The following ASAP1 variants were observed in gnomAD, a reference collection of about 807,000 sequenced individuals.
ASAP1 encodes the protein ArfGAP with SH3 domain, ankyrin repeat and PH domain 1, also known as arf-GAP with SH3 domain, ANK repeat and PH domain-containing protein 1.
In ASAP1, 43 loss-of-function variants were observed where a neutral mutation model predicts 145.2. The ratio of observed to expected loss-of-function variants is 0.30; its 90% CI spans 0.23 to 0.38. ASAP1 has a LOEUF of 0.38. ASAP1 is among the 10% of genes least tolerant of loss of function. ASAP1 has a pLI of 1.00. For missense variants in ASAP1, 1,018 were observed against 1,355.3 expected (o/e 0.75, Z 3.91); for synonymous variants, 546 against 515.5 (o/e 1.06, Z -0.80).
intron 29 of ASAP1, among the ~76,000 whole-genome samples, chr8:130,056,246 TG>T (rs1394913141): frequency 6.6e-6 from 1 of 152,172 alleles, no homozygotes; most frequent in Non-Finnish European, 1.5e-5. Context: ...CTGATTCACG[TG>T]GGGGGGCTTC....
intron 5 of ASAP1, among the ~76,000 whole-genome samples, chr8:130,197,713 A>C (rs1815596122): frequency 6.6e-6 from 1 of 152,228 alleles, no homozygotes; most frequent in African/African-American, 2.4e-5. Flanking sequence ...GATGCACCTG[A>C]ATGTGTGTTC....
intron 3 of ASAP1, among the ~76,000 whole-genome samples, chr8:130,350,911 C>T (rs1825956592): frequency 6.6e-6 from 1 of 152,202 alleles, no homozygotes; most frequent in Non-Finnish European, 1.5e-5. Flanking sequence ...ATAGGCAAAT[C>T]AGGTTGGGTC....
At chr8:130,100,995 T>C (rs62524632) in intron 24 of ASAP1, among the ~76,000 whole-genome samples, 23,109 of 152,216 alleles carry the variant, frequency 0.15, 2,245 homozygotes, top group East Asian at 0.44. Flanking sequence ...TAATTCATCT[T>C]GAGTTGAGAG....
intron 11 of ASAP1, among the ~76,000 whole-genome samples, chr8:130,164,725 GA>G (rs1422098291): frequency 1.3e-5 from 2 of 151,798 alleles, no homozygotes; most frequent in Admixed American, 6.6e-5. Context: ...AAACTTAATA[GA>G]AAAAAAATGA....
intron 3 of ASAP1, among the ~76,000 whole-genome samples, chr8:130,248,786 T>C (rs1819013562): frequency 6.6e-6 from 1 of 152,144 alleles, no homozygotes; most frequent in African/African-American, 2.4e-5. Flanking sequence ...CCAAATCTTC[T>C]CTTCCTCCTC....
chr8:130,346,950 C>A (rs1825735432), intron 3 of ASAP1, among the ~76,000 whole-genome samples: 1 of 152,126 alleles, frequency 6.6e-6, no homozygotes. Flanking sequence ...GGAAGGCTCC[C>A]CATGTTTCAA....
At chr8:130,192,917 T>C (rs1815236970) in intron 5 of ASAP1, among the ~76,000 whole-genome samples, 1 of 152,190 alleles carries the variant, frequency 6.6e-6, no homozygotes, top group Admixed American at 6.5e-5. Context: ...GTTACGTGCC[T>C]ATCAATAGGG....
At chr8:130,059,097 C>T (rs1269282117) in intron 28 of ASAP1, among the ~76,000 whole-genome samples, 4 of 152,132 alleles carry the variant, frequency 2.6e-5, no homozygotes, top group African/African-American at 9.7e-5. Context: ...CAGCCTCCAA[C>T]CTACAGGAAG....
At position 130,073,351 on chromosome 8, in the gene ASAP1, T is replaced by C. The variant is rs181581030; in HGVS notation, c.2701+2997A>G. ...GTTGCGGGGAGCTGAGATCGCACCA[T>C]TGCACTCCAGCCTGGGCAACAAGAG... On this transcript the variant is annotated intron_variant, in intron 27 of 29. Transcript: ENST00000518721. Among the ~76,000 whole-genome samples the C allele has an allele frequency of 3.4e-3, 510 of 149,878 alleles. 5 individuals carry two copies. Among genetic ancestry groups the C allele is most frequent in the African/African-American group, 0.012 (491 of 40,604 alleles).
chr8:130,120,662 T>C (rs2097564375), intron 18 of ASAP1, among the ~76,000 whole-genome samples: 1 of 152,352 alleles, frequency 6.6e-6, no homozygotes, highest in South Asian at 2.1e-4. Flanking sequence ...GGAAATATCA[T>C]GCAGATGCCA....
At chr8:130,323,574 A>C (rs1220564412) in intron 3 of ASAP1, among the ~76,000 whole-genome samples, 1 of 152,148 alleles carries the variant, frequency 6.6e-6, no homozygotes, top group Admixed American at 6.5e-5. Context: ...GTTCTATCTC[A>C]TGTGAAAAAC....
chr8:130,177,419 G>A (rs1814039675), intron 9 of ASAP1, among the ~76,000 whole-genome samples: 1 of 152,332 alleles, frequency 6.6e-6, no homozygotes, highest in Non-Finnish European at 1.5e-5. Context: ...AGGAGACTGA[G>A]AGATTCACTT....
intron 4 of ASAP1, among the ~76,000 whole-genome samples, chr8:130,231,061 C>T (rs1421761811): frequency 1.3e-5 from 2 of 152,172 alleles, no homozygotes; most frequent in Non-Finnish European, 2.9e-5. Context: ...TTCCTATCCA[C>T]TGATAAATTT....
At chr8:130,357,930 C>A in intron 3 of ASAP1, 87 bp downstream of exon 3, 1 of 1,493,106 alleles carries the variant, frequency 6.7e-7, no homozygotes, top group Non-Finnish European at 9.0e-7. Context: ...GCCCCCGCGT[C>A]CCCTTCCTCC....
chr8:130,288,220 A>G (rs1821736593), intron 3 of ASAP1, among the ~76,000 whole-genome samples: 1 of 152,128 alleles, frequency 6.6e-6, no homozygotes, highest in African/African-American at 2.4e-5. Flanking sequence ...CTTTTTTCTG[A>G]TAAAGCTGAG....
chr8:130,130,323 G>A (rs989717631), intron 15 of ASAP1, among the ~76,000 whole-genome samples: 17 of 152,178 alleles, frequency 1.1e-4, no homozygotes, highest in African/African-American at 4.1e-4. Flanking sequence ...ATGGGGATAA[G>A]AAAACACTTT....
chr8:130,211,514 G>A (rs1816580047), intron 5 of ASAP1, among the ~76,000 whole-genome samples: 1 of 152,182 alleles, frequency 6.6e-6, no homozygotes. Flanking sequence ...CACTGCCCCA[G>A]AAACTGATAA....
chr8:130,158,531 C>T (rs989980493), intron 12 of ASAP1, among the ~76,000 whole-genome samples: 5 of 151,914 alleles, frequency 3.3e-5, no homozygotes, highest in Non-Finnish European at 7.4e-5. Flanking sequence ...TCCAAAAAGA[C>T]AATTATTAAA....
intron 2 of ASAP1, among the ~76,000 whole-genome samples, chr8:130,384,113 C>T (rs942384860): frequency 2.6e-5 from 4 of 152,196 alleles, no homozygotes; most frequent in African/African-American, 9.7e-5. Flanking sequence ...CAACATCCCA[C>T]CCTTGCATGG....
Sources: gnomAD v4.1 joint callset for allele counts (sites outside exome capture counted in the v4.1 genomes callset) on GRCh38, gnomAD v4.1.1 for gene constraint, MANE v1.5 for transcripts, NCBI Gene and HGNC (gene_info 2026-07-23, HGNC 2026-07-21) for gene names.